The following SNX10 variants were observed in gnomAD, a reference collection of about 807,000 sequenced individuals.
SNX10 encodes sorting nexin 10.
SNX10 carries 25 observed loss-of-function variants against 28.5 expected under a neutral mutation model. The observed-to-expected ratio is 0.88, with a 90% CI of 0.64 to 1.22. The LOEUF (loss-of-function observed/expected upper bound fraction) is 1.22, where lower values mean the gene tolerates loss of function less well. SNX10 is among the 50% of genes most tolerant of loss of function. The pLI, the probability that SNX10 is intolerant of heterozygous loss-of-function variation, is 0.00. For synonymous variants in SNX10, 62 were observed against 81.4 expected, an observed-to-expected ratio of 0.76 and a Z score of 1.28; for missense variants, 223 against 242.6, an observed-to-expected ratio of 0.92 and a Z score of 0.54.
intron 1 of SNX10, among the ~76,000 whole-genome samples, chr7:26,329,739 T>C (rs543733611): frequency 1.3e-5 from 2 of 152,254 alleles, no homozygotes; most frequent in South Asian, 4.1e-4. Context: ...GGGAGGAGGA[T>C]GCAAACTAGT....
chr7:26,303,650 T>C (rs190836500), intron 1 of SNX10, among the ~76,000 whole-genome samples: 2 of 152,328 alleles, frequency 1.3e-5, no homozygotes, highest in East Asian at 3.9e-4. Flanking sequence ...CTGAGCCCTC[T>C]TCTTTTCTCT....
chr7:26,294,328 C>T (rs1786031461), intron 1 of SNX10, among the ~76,000 whole-genome samples: 1 of 152,174 alleles, frequency 6.6e-6, no homozygotes, highest in Admixed American at 6.5e-5. Context: ...GAGTTGAAAT[C>T]TTGGTATAAT....
chr7:26,354,537 T>C (rs908410182), intron 2 of SNX10, among the ~76,000 whole-genome samples: 1 of 151,760 alleles, frequency 6.6e-6, no homozygotes, highest in African/African-American at 2.4e-5. Flanking sequence ...AGTTTTTAAA[T>C]GTTTGTTTAA....
intron 1 of SNX10, among the ~76,000 whole-genome samples, chr7:26,300,983 C>T (rs1311275108): frequency 7.5e-6 from 1 of 132,878 alleles, no homozygotes; most frequent in Non-Finnish European, 1.5e-5. Context: ...TGTACCACTG[C>T]ACTCCAACCT....
intron 2 of SNX10, among the ~76,000 whole-genome samples, chr7:26,348,979 A>C (rs978706174): frequency 6.6e-6 from 1 of 152,228 alleles, no homozygotes; most frequent in African/African-American, 2.4e-5. Flanking sequence ...ACTATAAAAG[A>C]TATTTTTATC....
At chr7:26,362,032 G>T (rs1260008824) in intron 3 of SNX10, among the ~76,000 whole-genome samples, 3 of 152,024 alleles carry the variant, frequency 2.0e-5, no homozygotes, top group Non-Finnish European at 4.4e-5. Flanking sequence ...TAGCTAACTT[G>T]GTATATTGGA....
chr7:26,335,735 C>CTTTTTT (rs57340085), intron 1 of SNX10, among the ~76,000 whole-genome samples: 18 of 84,254 alleles, frequency 2.1e-4, no homozygotes, highest in South Asian at 1.1e-3. Flanking sequence ...ATGGAATATT[C>CTTTTTT]TTTTTTTTTT....
chr7:26,327,271 G>C (rs1218322036), intron 1 of SNX10, among the ~76,000 whole-genome samples: 1 of 152,098 alleles, frequency 6.6e-6, no homozygotes, highest in African/African-American at 2.4e-5. Context: ...ATCTTTTGAA[G>C]TGCAGCCCTT....
intron 1 of SNX10, among the ~76,000 whole-genome samples, chr7:26,301,504 A>T (rs886126024): frequency 6.6e-6 from 1 of 152,124 alleles, no homozygotes; most frequent in African/African-American, 2.4e-5. Flanking sequence ...GTGAGGGGGA[A>T]CCAAAGGGGG....
intron 3 of SNX10, among the ~76,000 whole-genome samples, chr7:26,361,622 G>GT (rs1789073526): frequency 6.6e-6 from 1 of 152,202 alleles, no homozygotes; most frequent in Admixed American, 6.5e-5. Flanking sequence ...GTTGTGTGGT[G>GT]TGTGGCCTTC....
intron 1 of SNX10, among the ~76,000 whole-genome samples, chr7:26,331,760 C>CTCCCAGTCCCAGTCCCAG (rs111683120): frequency 4.0e-5 from 6 of 151,784 alleles, no homozygotes; most frequent in East Asian, 1.9e-4. Context: ...CCAAGTTCTT[C>CTCCCAGTCCCAGTCCCAG]TCCCAGTCCC....
chr7:26,327,046 G>C (rs113188724), intron 1 of SNX10, among the ~76,000 whole-genome samples: 1 of 151,524 alleles, frequency 6.6e-6, no homozygotes, highest in African/African-American at 2.4e-5. Flanking sequence ...TGCCTCCTGG[G>C]TTCAAGCGGT....
rs140616170 is a variant in SNX10 at position 26,295,731 on chromosome 7, G to GC, written c.-24+3647dup. On this transcript the variant is annotated intron_variant, in intron 1 of 6. Transcript: ENST00000338523. ...TCCAATGCATGAGGCCAGCAAAGCT[G>GC]CCTGGAAGTGCCTGTCAAAATACGA... is the stretch of plus-strand genomic sequence containing the variant. 2.7e-3 allele frequency among the ~76,000 whole-genome samples: 406 copies of GC among 152,348 alleles called. 2 individuals are homozygous for GC. The highest frequency in any genetic ancestry group is 9.1e-3 in the African/African-American group (377 of 41,572).
intron 1 of SNX10, among the ~76,000 whole-genome samples, chr7:26,309,660 G>A (rs1261619461): frequency 6.6e-6 from 1 of 152,140 alleles, no homozygotes; most frequent in Non-Finnish European, 1.5e-5. Context: ...TAAAGCATTT[G>A]AGCCGTTAGT....
chr7:26,294,964 A>G (rs902234243), intron 1 of SNX10, among the ~76,000 whole-genome samples: 6 of 152,226 alleles, frequency 3.9e-5, no homozygotes, highest in Non-Finnish European at 7.3e-5. Context: ...GGCTTCAGTC[A>G]AGGGCAACTC....
intron 1 of SNX10, among the ~76,000 whole-genome samples, chr7:26,325,050 G>A (rs924168477): frequency 4.0e-4 from 60 of 151,708 alleles, no homozygotes; most frequent in African/African-American, 1.5e-3. Flanking sequence ...CAGCTGGGAG[G>A]CTTTGAAGCT....
At chr7:26,299,495 T>A (rs534302236) in intron 1 of SNX10, among the ~76,000 whole-genome samples, 10 of 151,832 alleles carry the variant, frequency 6.6e-5, no homozygotes, top group Admixed American at 2.0e-4. Flanking sequence ...CTGATTTTTT[T>A]TTTCAGCTCA....
At chr7:26,314,163 G>C (rs1018796856) in intron 1 of SNX10, among the ~76,000 whole-genome samples, 2 of 152,114 alleles carry the variant, frequency 1.3e-5, no homozygotes, top group Non-Finnish European at 2.9e-5. Flanking sequence ...TTTTAAAAAA[G>C]TTATTCCTTT....
Position 26,372,951 on chromosome 7 carries a change from G to A in SNX10, c.*379G>A, listed in dbSNP as rs1311272219. On this transcript the variant is annotated 3_prime_UTR_variant, in exon 7 of 7. Coordinates refer to ENST00000338523, the MANE Select transcript of SNX10 (RefSeq NM_013322.3). Reference sequence around the variant, plus strand: ...CATTCCTTCTTGTATCAGTGGGGCAGTGTTACCATAAACACGGTGTATATG... The same window carrying A: ...CATTCCTTCTTGTATCAGTGGGGCAATGTTACCATAAACACGGTGTATATG... The A allele has an allele frequency of 5.1e-5, 10 of 194,182 alleles. No homozygotes were observed. 12.0% of individuals were successfully genotyped at this position (194,182 alleles called of 1,614,324 possible).
Sources: gnomAD v4.1 joint callset for allele counts (sites outside exome capture counted in the v4.1 genomes callset) on GRCh38, gnomAD v4.1.1 for gene constraint, MANE v1.5 for transcripts, NCBI Gene and HGNC (gene_info 2026-07-23, HGNC 2026-07-21) for gene names.